ABR: variants seen among roughly 807,000 people sequenced by gnomAD.
The protein encoded by ABR is active breakpoint cluster region-related protein.
A neutral mutation model predicts 107.2 loss-of-function variants in ABR; 35 were observed. The observed-to-expected ratio is 0.33, with a 90% CI of 0.25 to 0.43. The LOEUF is 0.43. ABR is among the 20% of genes least tolerant of loss of function. The probability of loss-of-function intolerance (pLI) is 1.00; values close to 1 mark genes in which losing one functional copy is unlikely to be tolerated. For missense variants in ABR, 815 were observed against 1,115.2 expected (o/e 0.73, Z 3.83); for synonymous variants, 498 against 462.0 (o/e 1.08, Z -1.00).
intron 2 of ABR, 140 bp from the exon 3 acceptor site, chr17:1,100,875 G>A (rs2037818170): frequency 1.3e-6 from 1 of 766,494 alleles, no homozygotes; most frequent in East Asian, 2.6e-5. Context: ...CTAGGCTGAA[G>A]TAAAGTGGCA....
chr17:1,200,915 G>C lies in ABR; in HGVS notation c.838+27878C>G, dbSNP rs4575593. 0.21 allele frequency among the ~76,000 whole-genome samples: 32,331 copies of C among 152,100 alleles called. 3,623 individuals carry two copies. The highest frequency in any genetic ancestry group is 0.28 in the Middle Eastern group (83 of 294). ...CCTCTGGGCAGGGCTACAGCTTAGA[G>C]ACTGGGAGAAAGCCTTGGGGTTGGC... is the stretch of plus-strand genomic sequence containing the variant. On this transcript the variant is annotated intron_variant, in intron 1 of 22. Coordinates refer to the ABR transcript ENST00000574139. This position sits in a 1 kb window ranked among gnomAD's most constrained non-coding sequence, Gnocchi z 4.1.
chr17:1,062,336 G>A (rs1292876089), intron 10 of ABR, among the ~76,000 whole-genome samples: 12 of 149,164 alleles, frequency 8.0e-5, no homozygotes, highest in South Asian at 2.2e-4. Context: ...TATGTGAACT[G>A]AGGGCTATGC....
intron 1 of ABR, among the ~76,000 whole-genome samples, chr17:1,226,696 GGT>G (rs55866246): frequency 0.46 from 69,464 of 149,976 alleles, 16,144 homozygotes; most frequent in Middle Eastern, 0.52. Flanking sequence ...TACATGTGCA[GGT>G]GTGTGTGTGT....
At chr17:1,113,320 T>A (rs964998805) in intron 2 of ABR, among the ~76,000 whole-genome samples, 18 of 127,390 alleles carry the variant, frequency 1.4e-4, no homozygotes, top group Non-Finnish European at 1.9e-4. Context: ...GGAGTCTCGC[T>A]CTGTCACCCA....
At chr17:1,018,663 C>T (rs75227474) in intron 16 of ABR, among the ~76,000 whole-genome samples, 8,163 of 152,186 alleles carry the variant, frequency 0.054, 333 homozygotes, top group Non-Finnish European at 0.077. Flanking sequence ...TTCAACCGTG[C>T]GCACTCGGGC....
intron 3 of ABR, among the ~76,000 whole-genome samples, chr17:1,093,927 T>C (rs1597780047): frequency 6.6e-6 from 1 of 152,168 alleles, no homozygotes; most frequent in Non-Finnish European, 1.5e-5. Flanking sequence ...CAACAATCCA[T>C]GCAGGACAAA....
At chr17:1,014,397 C>A (rs527703267) in intron 16 of ABR, among the ~76,000 whole-genome samples, 2 of 145,678 alleles carry the variant, frequency 1.4e-5, no homozygotes, top group South Asian at 4.5e-4. Context: ...GCCGAGATCG[C>A]GCCACTGCAC....
rs1023067806 is a variant in ABR, at chr17:1,210,949, G to C, written c.838+17844C>G. Among the ~76,000 whole-genome samples, 1 of 152,056 alleles carries C rather than the reference G, an allele frequency of 6.6e-6. No individual in the cohort carries two copies. The highest frequency in any genetic ancestry group is 1.5e-5 in the Non-Finnish European group (1 of 68,032). On this transcript the variant is annotated intron_variant, in intron 1 of 22. Coordinates refer to the ABR transcript ENST00000574139. This position sits in a 1 kb window ranked among gnomAD's most constrained non-coding sequence, Gnocchi z 5.6. ...AAAGCCTGCCAAACTCTGGGGTGCT[G>C]GACTGGCTGCTGAAAAATCTCCCGA...
At chr17:1,007,378 T>C in intron 21 of ABR, 66 bp from the exon 22 acceptor site, 3 of 1,592,148 alleles carry the variant, frequency 1.9e-6, no homozygotes, top group Non-Finnish European at 2.6e-6. Flanking sequence ...TCCAGGACCC[T>C]TGGCCTTCGC....
chr17:1,217,906 G>A (rs2043044187), intron 1 of ABR, among the ~76,000 whole-genome samples: 1 of 151,864 alleles, frequency 6.6e-6, no homozygotes, highest in Admixed American at 6.6e-5. Context: ...TGTTGGCCAG[G>A]CTGGTCTTGA....
chr17:1,049,903 G>A (rs2032256759), intron 16 of ABR, 147 bp downstream of exon 16: 1 of 1,138,724 alleles, frequency 8.8e-7, no homozygotes, highest in African/African-American at 1.6e-5. Context: ...CCTCTAGCAG[G>A]GAGGGGAGAA....
chr17:1,046,901 C>T (rs957277432), intron 16 of ABR, among the ~76,000 whole-genome samples: 1 of 152,202 alleles, frequency 6.6e-6, no homozygotes, highest in East Asian at 1.9e-4. Flanking sequence ...ATTTGGGAAG[C>T]GGCCTCCAGG....
At chr17:1,109,931 C>G (rs1470152315) in intron 2 of ABR, among the ~76,000 whole-genome samples, 1 of 115,898 alleles carries the variant, frequency 8.6e-6, no homozygotes, top group African/African-American at 3.3e-5. Context: ...TCTGAGCAGC[C>G]CCCCCACTCA....
chr17:1,088,548 A>G (rs1381234143), intron 4 of ABR, among the ~76,000 whole-genome samples: 1 of 151,720 alleles, frequency 6.6e-6, no homozygotes, highest in Non-Finnish European at 1.5e-5. Flanking sequence ...ATGATGTTCC[A>G]GGCCCTGTTC....
At chr17:1,052,252 C>T (rs2032650423) in intron 14 of ABR, among the ~76,000 whole-genome samples, 1 of 151,542 alleles carries the variant, frequency 6.6e-6, no homozygotes, top group African/African-American at 2.4e-5. Context: ...TGGGCCAGAC[C>T]AGGGAGTGGG....
intron 1 of ABR, among the ~76,000 whole-genome samples, chr17:1,223,268 GAAGACTCCAT>G (rs2043151690): frequency 6.7e-6 from 1 of 149,522 alleles, no homozygotes; most frequent in Admixed American, 6.7e-5. Context: ...CAGCTACTCA[GAAGACTCCAT>G]CTCAAACAAA....
At chr17:1,161,342 C>G (rs980120836) in intron 1 of ABR, among the ~76,000 whole-genome samples, 3 of 151,810 alleles carry the variant, frequency 2.0e-5, no homozygotes, top group Non-Finnish European at 4.4e-5. Flanking sequence ...CCTGGGCTCA[C>G]ATGATCCTCC....
chr17:1,097,134 G>A (rs2037516787), intron 3 of ABR, among the ~76,000 whole-genome samples: 1 of 152,192 alleles, frequency 6.6e-6, no homozygotes, highest in Admixed American at 6.5e-5. Context: ...AGAGGCTCGT[G>A]GGTGGCAGGT....
chr17:1,195,285 C>T (rs1266712075), intron 1 of ABR, among the ~76,000 whole-genome samples: 9 of 105,796 alleles, frequency 8.5e-5, no homozygotes, highest in Non-Finnish European at 1.4e-4. Context: ...CCAGCCTGGG[C>T]GACAGAATGA....
Sources: gnomAD v4.1 joint callset for allele counts (sites outside exome capture counted in the v4.1 genomes callset) on GRCh38, gnomAD v4.1.1 for gene constraint, Gnocchi (gnomAD v3.1) non-coding constraint, MANE v1.5 for transcripts, NCBI Gene and HGNC (gene_info 2026-07-23, HGNC 2026-07-21) for gene names.